FOXP2: variants seen among roughly 807,000 people sequenced by gnomAD.
FOXP2 encodes forkhead box P2.
A neutral mutation model predicts 115.8 loss-of-function variants in FOXP2; 12 were observed. The observed-to-expected ratio is 0.10, with a 90% CI of 0.07 to 0.17. The LOEUF (loss-of-function observed/expected upper bound fraction) is 0.17, where lower values mean the gene tolerates loss of function less well. Ranked by LOEUF, FOXP2 falls within the 10% of genes least tolerant of loss-of-function variation. The pLI, the probability that FOXP2 is intolerant of heterozygous loss-of-function variation, is 1.00. For synonymous variants in FOXP2, 328 were observed against 297.7 expected, an observed-to-expected ratio of 1.10 and a Z score of -1.05; for missense variants, 629 against 843.5, an observed-to-expected ratio of 0.75 and a Z score of 3.15.
At chr7:114,539,834 C>T (rs145019945) in intron 3 of FOXP2, among the ~76,000 whole-genome samples, 3 of 151,974 alleles carry the variant, frequency 2.0e-5, no homozygotes, top group Admixed American at 6.6e-5. Flanking sequence ...ATGATCTACT[C>T]ATGGCATATA....
intron 16 of FOXP2, among the ~76,000 whole-genome samples, chr7:114,673,711 T>C (rs1252740216): frequency 1.3e-5 from 2 of 152,166 alleles, no homozygotes; most frequent in African/African-American, 4.8e-5. Context: ...TACTGACTTT[T>C]TTTTTGAGAT....
intron 2 of FOXP2, among the ~76,000 whole-genome samples, chr7:114,289,031 A>G (rs929146054): frequency 6.6e-6 from 1 of 151,670 alleles, no homozygotes; most frequent in African/African-American, 2.4e-5. Flanking sequence ...AATTTCTACA[A>G]CTCTCTCAAG....
chr7:114,394,011 A>T (rs113292435), intron 2 of FOXP2, among the ~76,000 whole-genome samples: 245 of 64,240 alleles, frequency 3.8e-3, no homozygotes, highest in African/African-American at 8.8e-3. Context: ...TGTGTGAGAG[A>T]GAGAGAGAGA....
At chr7:114,333,362 A>G (rs1408607745) in intron 2 of FOXP2, among the ~76,000 whole-genome samples, 1 of 152,214 alleles carries the variant, frequency 6.6e-6, no homozygotes, top group Non-Finnish European at 1.5e-5. Flanking sequence ...TGCTACTGCT[A>G]GGTTTCCCTC....
At chr7:114,102,696 CCACA>C (rs10624558) in intron 1 of FOXP2, among the ~76,000 whole-genome samples, 282 of 136,434 alleles carry the variant, frequency 2.1e-3, no homozygotes, top group East Asian at 4.2e-3. Flanking sequence ...ACACCACACA[CCACA>C]CACACACACA....
rs560196733 is a variant in FOXP2, at chr7:114,352,868, A to T, written c.-11+64759A>T. Among the ~76,000 whole-genome samples, 6 of 152,256 alleles carry T rather than the reference A, an allele frequency of 3.9e-5. No homozygotes were observed. In the East Asian group the frequency reaches 9.7e-4, roughly 25 times the overall value. On this transcript the variant is annotated intron_variant, in intron 2 of 17. Transcript: ENST00000634411. ...ATAATTCTAATAGTTTAAAATTTATATTTACAGTGTTCTTCACAATATACA... is the reference window on the plus strand; with the variant it reads ...ATAATTCTAATAGTTTAAAATTTATTTTTACAGTGTTCTTCACAATATACA...
chr7:114,534,557 G>C, intron 2 of FOXP2, 60 bp from the exon 3 acceptor site: 2 of 1,346,994 alleles, frequency 1.5e-6, no homozygotes, highest in Non-Finnish European at 2.1e-6. Flanking sequence ...TTAACCAAGA[G>C]ATAATTGATA....
chr7:114,329,126 CT>C (rs1453925256), intron 2 of FOXP2, among the ~76,000 whole-genome samples: 1 of 152,152 alleles, frequency 6.6e-6, no homozygotes, highest in Non-Finnish European at 1.5e-5. Context: ...TGATTGAATG[CT>C]GTTTGCCTTT....
intron 1 of FOXP2, among the ~76,000 whole-genome samples, chr7:114,280,160 C>G (rs1408757085): frequency 6.6e-6 from 1 of 151,520 alleles, no homozygotes; most frequent in Non-Finnish European, 1.5e-5. Flanking sequence ...TTTTTCTTGA[C>G]TTGCTGGTGT....
intron 2 of FOXP2, chr7:114,366,573 CA>C (rs2129188480): frequency 6.6e-6 from 1 of 152,064 alleles, no homozygotes; most frequent in Non-Finnish European, 1.5e-5. Flanking sequence ...TTAAATAAAT[CA>C]AAACAAAAAG....
chr7:114,131,313 GTAT>G (rs1244976789), intron 1 of FOXP2, among the ~76,000 whole-genome samples: 1 of 152,132 alleles, frequency 6.6e-6, no homozygotes, highest in Non-Finnish European at 1.5e-5. Flanking sequence ...TTAAGACCAA[GTAT>G]TATGCTGAGT....
chr7:114,689,817 C>T lies in FOXP2; in HGVS notation c.2039C>T (p.Ala680Val), dbSNP rs1442230907. 1 of 1,613,418 alleles carries T rather than the reference C, an allele frequency of 6.2e-7. No homozygotes were observed. Among genetic ancestry groups the T allele is most frequent in the Admixed American group, 1.7e-5 (1 of 59,948 alleles). Residue 680 changes from alanine to valine, a missense_variant, in exon 17 of 17, where the codon GCA becomes GTA. Ala to Val is a moderately conservative substitution (Grantham distance 64, BLOSUM62 0). Transcript: ENST00000350908. ...SIHVKEEPVI[A>V]EDEDCPMSLV... ...CACGTCAAGGAAGAGCCAGTGATTG[C>T]AGAGGATGAAGACTGCCCAATGTCC...
chr7:114,277,116 A>C (rs893699081), intron 1 of FOXP2, among the ~76,000 whole-genome samples: 5 of 152,204 alleles, frequency 3.3e-5, no homozygotes, highest in African/African-American at 7.2e-5. Context: ...GCAAATAATT[A>C]ACCTCATCAG....
At chr7:114,513,511 G>T (rs1236245676) in intron 2 of FOXP2, among the ~76,000 whole-genome samples, 3 of 152,092 alleles carry the variant, frequency 2.0e-5, no homozygotes, top group African/African-American at 7.2e-5. Context: ...AAGGAGTTGA[G>T]CCTAAGATTC....
chr7:114,356,199 A>C (rs1025473519), intron 2 of FOXP2, among the ~76,000 whole-genome samples: 15 of 152,170 alleles, frequency 9.9e-5, no homozygotes, highest in Admixed American at 1.3e-4. Flanking sequence ...AATAAAATGT[A>C]TCTTCTATTA....
intron 1 of FOXP2, among the ~76,000 whole-genome samples, chr7:114,219,643 G>A (rs751313791): frequency 2.5e-4 from 38 of 151,878 alleles, no homozygotes; most frequent in Non-Finnish European, 4.0e-4. Flanking sequence ...CTGATTGCAT[G>A]TATAACATAT....
At chr7:114,144,891 G>C (rs1216832970) in intron 1 of FOXP2, among the ~76,000 whole-genome samples, 3 of 152,084 alleles carry the variant, frequency 2.0e-5, no homozygotes, top group African/African-American at 7.2e-5. Flanking sequence ...ATTAAGAAAA[G>C]AACACTTTTT....
intron 1 of FOXP2, among the ~76,000 whole-genome samples, chr7:114,210,520 T>G (rs1349532495): frequency 1.3e-5 from 2 of 152,120 alleles, no homozygotes; most frequent in Non-Finnish European, 2.9e-5. Flanking sequence ...ATTTTTGCCC[T>G]GGAAGCTGTA....
At chr7:114,294,305 T>G (rs1240785174) in intron 2 of FOXP2, among the ~76,000 whole-genome samples, 1 of 152,144 alleles carries the variant, frequency 6.6e-6, no homozygotes, top group African/African-American at 2.4e-5. Context: ...ACCCATATGC[T>G]AACAGGATCT....
Sources: gnomAD v4.1 joint callset for allele counts (sites outside exome capture counted in the v4.1 genomes callset) on GRCh38, gnomAD v4.1.1 for gene constraint, MANE v1.5 for transcripts, NCBI Gene and HGNC (gene_info 2026-07-23, HGNC 2026-07-21) for gene names.